SYN2: variants seen among roughly 807,000 people sequenced by gnomAD.
SYN2 encodes the protein synapsin-2.
Under a neutral mutation model 50.9 loss-of-function variants are expected in SYN2, and 19 were observed. That is an observed-to-expected ratio of 0.37 (90% CI 0.26 to 0.55). SYN2 has a LOEUF of 0.55. Ranked by LOEUF, SYN2 falls within the 20% of genes least tolerant of loss-of-function variation. The pLI is 0.81. For missense variants in SYN2, 587 were observed against 576.4 expected (o/e 1.02, Z -0.19); for synonymous variants, 255 against 224.9 (o/e 1.13, Z -1.20).
chr3:12,104,076 A>G (rs767191978), intron 1 of SYN2, among the ~76,000 whole-genome samples: 91 of 152,214 alleles, frequency 6.0e-4, no homozygotes, highest in Non-Finnish European at 1.1e-3. Context: ...TAAAGCTTGG[A>G]AAAAAGAATG....
At position 12,116,841 on chromosome 3, in the gene SYN2, C is replaced by A. The variant is rs192565021; in HGVS notation, c.378-23810C>A. On this transcript the variant is annotated intron_variant, in intron 1 of 12. Coordinates refer to ENST00000621198, the MANE Select transcript of SYN2 (RefSeq NM_133625.6). ...TCATAGCTCCCTGTAGCCTCACCTT[C>A]CTGGGCTGAAGTGATCCCCCTGCCT... 2.6e-5 allele frequency among the ~76,000 whole-genome samples: 4 copies of A among 152,256 alleles called. No individual in the cohort carries two copies. The East Asian group carries it at 7.7e-4, about 29-fold the overall frequency.
At chr3:12,185,350 T>G in intron 11 of SYN2, 1 of 985,816 alleles carries the variant, frequency 1.0e-6, no homozygotes, top group Non-Finnish European at 1.2e-6. Context: ...GCTTTTCATG[T>G]GTCATTTGTG....
intron 1 of SYN2, among the ~76,000 whole-genome samples, chr3:12,050,448 T>G (rs1284128188): frequency 6.7e-6 from 1 of 149,540 alleles, no homozygotes; most frequent in African/African-American, 2.5e-5. Flanking sequence ...CAGGTTCAAG[T>G]GATTCTTCTG....
chr3:12,129,005 G>A (rs1387516397), intron 1 of SYN2, among the ~76,000 whole-genome samples: 1 of 150,636 alleles, frequency 6.6e-6, no homozygotes, highest in Non-Finnish European at 1.5e-5. Context: ...TTGGGCAGAT[G>A]GATAATAAGT....
intron 1 of SYN2, among the ~76,000 whole-genome samples, chr3:12,059,329 C>T (rs968545617): frequency 2.0e-5 from 3 of 152,184 alleles, no homozygotes; most frequent in Admixed American, 2.0e-4. Flanking sequence ...TTGAAGCAGA[C>T]GGGATAAGTG....
intron 1 of SYN2, among the ~76,000 whole-genome samples, chr3:12,020,926 A>C (rs534314262): frequency 3.3e-5 from 5 of 152,224 alleles, no homozygotes; most frequent in Non-Finnish European, 7.3e-5. Flanking sequence ...TTTAAATAGA[A>C]AACATTTATC....
chr3:12,044,739 G>A (rs1694698949), intron 1 of SYN2, among the ~76,000 whole-genome samples: 1 of 151,970 alleles, frequency 6.6e-6, no homozygotes, highest in African/African-American at 2.4e-5. Context: ...TTGCTATTGG[G>A]GAATAAGAAA....
chr3:12,120,703 G>A (rs1320755638), intron 1 of SYN2, among the ~76,000 whole-genome samples: 2 of 152,256 alleles, frequency 1.3e-5, no homozygotes, highest in Middle Eastern at 3.4e-3. Context: ...CACTACCTGA[G>A]GGAATACATC....
intron 1 of SYN2, chr3:12,070,586 G>A (rs1695330340): frequency 3.7e-6 from 5 of 1,356,426 alleles, no homozygotes; most frequent in Non-Finnish European, 5.1e-6. Flanking sequence ...CCAACAGAGA[G>A]AAGATGACCC....
chr3:12,096,356 C>A (rs1266740050), intron 1 of SYN2, among the ~76,000 whole-genome samples: 1 of 152,050 alleles, frequency 6.6e-6, no homozygotes, highest in Non-Finnish European at 1.5e-5. Flanking sequence ...CTTGTTGGCT[C>A]CTTCAGAGTA....
At chr3:12,075,502 A>T (rs1356521525) in intron 1 of SYN2, among the ~76,000 whole-genome samples, 1 of 152,130 alleles carries the variant, frequency 6.6e-6, no homozygotes. Context: ...TAATAAAAGG[A>T]TGCCTTGCTA....
intron 1 of SYN2, among the ~76,000 whole-genome samples, chr3:12,073,464 C>T (rs1271697796): frequency 2.0e-5 from 3 of 152,166 alleles, no homozygotes; most frequent in African/African-American, 7.2e-5. Flanking sequence ...CTCAAATCTG[C>T]AGTCAGTTAC....
At chr3:12,108,027 G>A (rs1349360579) in intron 1 of SYN2, among the ~76,000 whole-genome samples, 1 of 151,932 alleles carries the variant, frequency 6.6e-6, no homozygotes, top group Non-Finnish European at 1.5e-5. Flanking sequence ...CCTGGGCAAC[G>A]TGGTGAGACC....
intron 1 of SYN2, among the ~76,000 whole-genome samples, chr3:12,104,570 CTTTTTTTTTTTT>C (rs796837275): frequency 3.5e-4 from 29 of 81,716 alleles, no homozygotes; most frequent in South Asian, 2.0e-3. Context: ...CTTTTCTTTT[CTTTTTTTTTTTT>C]TTTTTTTTTT....
intron 1 of SYN2, among the ~76,000 whole-genome samples, chr3:12,060,485 G>T (rs543273856): frequency 2.6e-5 from 4 of 152,128 alleles, no homozygotes; most frequent in Non-Finnish European, 5.9e-5. Flanking sequence ...AGAAATACTC[G>T]TGAAGGTGAC....
At chr3:12,072,391 G>A (rs1695374585) in intron 1 of SYN2, among the ~76,000 whole-genome samples, 1 of 152,048 alleles carries the variant, frequency 6.6e-6, no homozygotes, top group Non-Finnish European at 1.5e-5. Flanking sequence ...GGTCATATCT[G>A]TTATCTAGTC....
At chr3:12,044,827 A>G (rs6782911) in intron 1 of SYN2, among the ~76,000 whole-genome samples, 14,136 of 152,216 alleles carry the variant, frequency 0.093, 2,153 homozygotes, top group African/African-American at 0.32. Flanking sequence ...AACCAGAGAG[A>G]TAAGAGTAAG....
At chr3:12,014,324 G>A (rs968187479) in intron 1 of SYN2, among the ~76,000 whole-genome samples, 1 of 152,190 alleles carries the variant, frequency 6.6e-6, no homozygotes, top group Non-Finnish European at 1.5e-5. Context: ...AATGAAGAGA[G>A]GGAAGTATCC....
intron 1 of SYN2, among the ~76,000 whole-genome samples, chr3:12,089,457 G>A (rs1695779206): frequency 1.3e-5 from 2 of 152,170 alleles, no homozygotes; most frequent in Admixed American, 6.5e-5. Flanking sequence ...AATTCAAGAT[G>A]AGATTTGGGT....
Sources: gnomAD v4.1 joint callset for allele counts (sites outside exome capture counted in the v4.1 genomes callset) on GRCh38, gnomAD v4.1.1 for gene constraint, MANE v1.5 for transcripts, NCBI Gene and HGNC (gene_info 2026-07-23, HGNC 2026-07-21) for gene names.